The following PSG8 variants were observed in gnomAD, a reference collection of about 807,000 sequenced individuals.
PSG8 encodes pregnancy specific beta-1-glycoprotein 8, also known as pregnancy-specific beta-1-glycoprotein 8.
PSG8 carries 57 observed loss-of-function variants against 42.5 expected under a neutral mutation model. The observed-to-expected ratio is 1.34, with a 90% CI of 1.08 to 1.67. The LOEUF (loss-of-function observed/expected upper bound fraction) is 1.67. PSG8 is among the 40% of genes most tolerant of loss of function. The pLI is 0.00. For missense variants in PSG8, 783 were observed against 518.6 expected (o/e 1.51, Z -4.95); for synonymous variants, 280 against 196.8 (o/e 1.42, Z -3.54).
rs569826189 is a variant in PSG8, at chr19:42,754,609, C to T, written c.989-22G>A. On this transcript the variant is annotated intron_variant, in intron 4 of 4. Coordinates refer to ENST00000306511, the MANE Select transcript of PSG8 (RefSeq NM_182707.3). Reference sequence around the variant, plus strand: ...CCATCTGGAGCAAAGAGAATAAAGCCACAGGTGATGTCATCTGAGGGAAGG... The same window carrying T: ...CCATCTGGAGCAAAGAGAATAAAGCTACAGGTGATGTCATCTGAGGGAAGG... 2.9e-5 allele frequency: 47 copies of T among 1,603,614 alleles called. No individual in the cohort carries two copies. In the Admixed American group the frequency reaches 6.9e-4, roughly 24 times the overall value.
intron 3 of PSG8, chr19:42,755,758 C>A (rs1969909564): frequency 5.8e-6 from 1 of 171,492 alleles, no homozygotes; most frequent in Non-Finnish European, 1.3e-5. Flanking sequence ...ACTGAGCAGC[C>A]TGGCCTGGGA....
chr19:42,753,132 A>T, downstream of PSG8: 1 of 658,566 alleles, frequency 1.5e-6, no homozygotes, highest in Non-Finnish European at 2.8e-6. Flanking sequence ...AAAACTGTCC[A>T]CAGTGTGAAG....
At chr19:42,757,970 G>T in intron 3 of PSG8, 32 bp downstream of exon 3, 2 of 1,614,024 alleles carry the variant, frequency 1.2e-6, no homozygotes, top group Non-Finnish European at 1.7e-6. Context: ...TGGGATGGCA[G>T]CCTGGCTCAC....
chr19:42,757,946 TG>T (rs1230080938), intron 3 of PSG8, 55 bp downstream of exon 3: 1 of 1,613,838 alleles, frequency 6.2e-7, no homozygotes, highest in Non-Finnish European at 8.5e-7. Flanking sequence ...GCCTGGTCTC[TG>T]GCCACGTGTA....
At chr19:42,756,895 G>A (rs892545443) in intron 3 of PSG8, among the ~76,000 whole-genome samples, 7 of 151,442 alleles carry the variant, frequency 4.6e-5, no homozygotes, top group African/African-American at 1.7e-4. Flanking sequence ...GATTCTGTTA[G>A]GTGTTACATT....
rs200836577 is a variant in PSG8 at position 42,764,414 on chromosome 19, GCACA to G, written c.65-137_65-134del. 1,400 of 1,365,070 alleles carry G rather than the reference GCACA, an allele frequency of 1.0e-3. 5 individuals are homozygous for G. The highest frequency in any genetic ancestry group is 1.3e-3 in the Non-Finnish European group (1,302 of 1,003,910). The allele number at this position is 1,365,070 out of a possible 1,614,324, so 84.6% of individuals were successfully genotyped here. On this transcript the variant is annotated intron_variant, in intron 1 of 4. Coordinates refer to ENST00000306511, the MANE Select transcript of PSG8 (RefSeq NM_182707.3). The stretch of plus-strand genomic sequence containing the variant: ...CAGACACACACACATACAAACACAC[GCACA>G]CACACACACAAAAGCGGCATGTGTG...
chr19:42,761,288 A>G (rs1249415983), intron 2 of PSG8, among the ~76,000 whole-genome samples: 1 of 152,190 alleles, frequency 6.6e-6, no homozygotes, highest in Non-Finnish European at 1.5e-5. Flanking sequence ...CATAAAACTA[A>G]CACCCTTACT....
rs1229019316 is a variant in PSG8 at position 42,764,095 on chromosome 19, A to G, written c.251T>C (p.Val84Ala). The G allele has an allele frequency of 6.8e-6, 11 of 1,613,710 alleles. No individual in the cohort carries two copies. In the African/African-American group the frequency reaches 1.3e-4, roughly 20 times the overall value. ...DLYHYITSYV[V>A]DGQIIIYGPA... ...CCCATATATAATTATTTGACCGTCT[A>G]CTACATATGATGTAATGTAATGGTA... Residue 84 changes from valine to alanine, a missense_variant, in exon 2 of 5, where the codon GTA (valine) becomes GCA (alanine). Coordinates refer to ENST00000306511, the MANE Select transcript of PSG8 (RefSeq NM_182707.3).
In PSG8 at chr19:42,763,974, G is replaced by A; in HGVS notation, c.372C>T (p.Ile124=). ...QEDAGSYTLH[I]IMGGDENRGV... is the part of the protein sequence containing the mutation. ...CTCTATTCTCATCACCTCCCATTATGATGTGTAAGGTGTAGGATCCTGCGT... is the reference window on the plus strand; with the variant it reads ...CTCTATTCTCATCACCTCCCATTATAATGTGTAAGGTGTAGGATCCTGCGT... Residue 124 remains isoleucine, a synonymous_variant, in exon 2 of 5, where the codon ATC becomes ATT. Coordinates refer to ENST00000306511, the MANE Select transcript of PSG8 (RefSeq NM_182707.3). 1 of 1,612,052 alleles carries A rather than the reference G, an allele frequency of 6.2e-7. No homozygotes were observed. Among genetic ancestry groups the A allele is most frequent in the Non-Finnish European group, 8.5e-7 (1 of 1,179,586 alleles).
chr19:42,764,878 G>GT lies in PSG8; in HGVS notation c.65-598dup, dbSNP rs200981263. ...TCTCAGGGCCCTCCACGCCCTTGGT[G>GT]TTTTTTTTTCCCCCCAATTGTTGAG... On this transcript the variant is annotated intron_variant, in intron 1 of 4. Coordinates refer to ENST00000306511, the MANE Select transcript of PSG8 (RefSeq NM_182707.3). Among the ~76,000 whole-genome samples the GT allele has an allele frequency of 2.4e-4, 36 of 151,498 alleles. No individual in the cohort carries two copies. In the East Asian group the frequency reaches 4.7e-3, roughly 20 times the overall value.
intron 2 of PSG8, among the ~76,000 whole-genome samples, chr19:42,761,773 C>T (rs1390895831): frequency 2.7e-5 from 4 of 147,510 alleles, no homozygotes; most frequent in African/African-American, 9.9e-5. Flanking sequence ...GTTTGGCAGA[C>T]TTGGAGTCGT....
intron 3 of PSG8, 134 bp from the exon 4 acceptor site, chr19:42,755,400 T>C: frequency 1.3e-6 from 2 of 1,486,356 alleles, no homozygotes; most frequent in Non-Finnish European, 9.0e-7. Flanking sequence ...GGTGCGTGTG[T>C]CACAAGACAG....
chr19:42,752,752 A>G (rs1969813253), downstream of PSG8: 1 of 172,062 alleles, frequency 5.8e-6, no homozygotes, highest in Non-Finnish European at 1.3e-5. Context: ...TTTACAATGT[A>G]TCTCTTAGGA....
chr19:42,759,937 C>T (rs1237025751), intron 2 of PSG8, among the ~76,000 whole-genome samples: 1 of 152,074 alleles, frequency 6.6e-6, no homozygotes, highest in Non-Finnish European at 1.5e-5. Flanking sequence ...TAGAGAGAGT[C>T]CCGTTAAAAG....
At chr19:42,756,904 T>C (rs1014011760) in intron 3 of PSG8, among the ~76,000 whole-genome samples, 1 of 151,726 alleles carries the variant, frequency 6.6e-6, no homozygotes, top group Non-Finnish European at 1.5e-5. Flanking sequence ...AGGTGTTACA[T>C]TGAATCCGCA....
intron 2 of PSG8, among the ~76,000 whole-genome samples, chr19:42,761,376 A>G (rs543868800): frequency 6.6e-6 from 1 of 152,344 alleles, no homozygotes; most frequent in East Asian, 1.9e-4. Context: ...ATTCTGCTAA[A>G]ATGTTGGCAC....
chr19:42,753,846 A>G (rs1016282752), downstream of PSG8: 2 of 450,886 alleles, frequency 4.4e-6, no homozygotes, highest in Admixed American at 3.7e-5. Context: ...TTGTGCAAAT[A>G]TGTGTATTAC....
chr19:42,756,539 CT>C (rs1327537724), intron 3 of PSG8, among the ~76,000 whole-genome samples: 1 of 152,096 alleles, frequency 6.6e-6, no homozygotes, highest in East Asian at 1.9e-4. Flanking sequence ...GATTCAAAAT[CT>C]AAAATGCTCC....
downstream of PSG8, chr19:42,753,327 G>A (rs755355428): frequency 9.0e-6 from 7 of 780,326 alleles, no homozygotes; most frequent in Admixed American, 1.7e-5. Context: ...GCGATTCCAT[G>A]GAAGAAAATG....
Sources: gnomAD v4.1 joint callset for allele counts (sites outside exome capture counted in the v4.1 genomes callset) on GRCh38, gnomAD v4.1.1 for gene constraint, MANE v1.5 for transcripts, NCBI Gene and HGNC (gene_info 2026-07-23, HGNC 2026-07-21) for gene names.